The following HS6ST3 variants were observed in gnomAD, a reference collection of about 807,000 sequenced individuals.
HS6ST3 encodes heparan sulfate 6-O-sulfotransferase 3, also known as heparan-sulfate 6-O-sulfotransferase 3.
A neutral mutation model predicts 36.7 loss-of-function variants in HS6ST3; 12 were observed. The ratio of observed to expected loss-of-function variants is 0.33; its 90% CI spans 0.21 to 0.53. The LOEUF (loss-of-function observed/expected upper bound fraction) is 0.53, where lower values mean the gene tolerates loss of function less well. Among genes scored for constraint, HS6ST3 ranks in the 20% least tolerant of loss-of-function variants. The pLI, the probability that HS6ST3 is intolerant of heterozygous loss-of-function variation, is 0.95. For synonymous variants in HS6ST3, 240 were observed against 257.5 expected (o/e 0.93, Z 0.65); for missense variants, 584 against 640.9 (o/e 0.91, Z 0.96).
chr13:96,582,864 T>C (rs944561096), intron 1 of HS6ST3, among the ~76,000 whole-genome samples: 3 of 152,164 alleles, frequency 2.0e-5, no homozygotes, highest in Non-Finnish European at 4.4e-5. Context: ...GGAAGCCCAG[T>C]TAAATTTTGA....
chr13:96,736,503 C>T (rs61187918), intron 1 of HS6ST3, among the ~76,000 whole-genome samples: 18,334 of 152,002 alleles, frequency 0.12, 1,242 homozygotes, highest in African/African-American at 0.17. Flanking sequence ...AATATAGAGA[C>T]TTTAAGCTAT....
chr13:96,794,843 T>C (rs190832322), intron 1 of HS6ST3, among the ~76,000 whole-genome samples: 82 of 152,236 alleles, frequency 5.4e-4, no homozygotes, highest in African/African-American at 1.7e-3. Flanking sequence ...TAACCAGCTG[T>C]GTATTTCTGT....
chr13:96,290,709 A>G (rs535492495), intron 1 of HS6ST3, among the ~76,000 whole-genome samples: 1 of 152,286 alleles, frequency 6.6e-6, no homozygotes, highest in Admixed American at 6.5e-5. Context: ...AATGGAAGTC[A>G]CAGCACTTCA....
In HS6ST3 at chr13:96,838,909, C is replaced by G. The variant is rs897608503; in HGVS notation, c.*5711C>G. The stretch of plus-strand genomic sequence containing the variant: ...ACACAAAAGCCCTTGAACTTCTAGG[C>G]AAGGACTCATGCTAACCTAGCAGTA... On this transcript the variant is annotated 3_prime_UTR_variant, in exon 2 of 2. Transcript: ENST00000376705. 6.6e-6 allele frequency: 1 copy of G among 152,202 alleles called. No individual in the cohort carries two copies. Among genetic ancestry groups the G allele is most frequent in the Non-Finnish European group, 1.5e-5 (1 of 68,042 alleles). The allele number at this position is 152,202 out of a possible 1,614,324, so 9.4% of individuals were successfully genotyped here. A position where few individuals can be genotyped will look rare whatever the true frequency, so the allele number is the denominator to read the frequency against.
At chr13:96,218,672 T>C (rs2054439562) in intron 1 of HS6ST3, among the ~76,000 whole-genome samples, 1 of 151,904 alleles carries the variant, frequency 6.6e-6, no homozygotes, top group Admixed American at 6.6e-5. Flanking sequence ...TGTGAAGGTA[T>C]GTGCTGAAGG....
chr13:96,543,309 G>T (rs995216914), intron 1 of HS6ST3, among the ~76,000 whole-genome samples: 3 of 152,156 alleles, frequency 2.0e-5, no homozygotes, highest in African/African-American at 7.2e-5. Flanking sequence ...GGTGCAGGTT[G>T]TCTGCTCATC....
chr13:96,654,628 G>T (rs2139014950), intron 1 of HS6ST3, among the ~76,000 whole-genome samples: 1 of 152,254 alleles, frequency 6.6e-6, no homozygotes, highest in Admixed American at 6.5e-5. Flanking sequence ...AGTACAGTTT[G>T]AAGTCAGGTA....
At chr13:96,721,780 T>C (rs1357848253) in intron 1 of HS6ST3, among the ~76,000 whole-genome samples, 6 of 152,164 alleles carry the variant, frequency 3.9e-5, no homozygotes, top group Non-Finnish European at 8.8e-5. Context: ...TGTCTGGCAG[T>C]TCCTGGAGCC....
At chr13:96,735,689 T>C (rs564329964) in intron 1 of HS6ST3, among the ~76,000 whole-genome samples, 1 of 152,302 alleles carries the variant, frequency 6.6e-6, no homozygotes, top group African/African-American at 2.4e-5. Context: ...TTGTATCATA[T>C]ACTAAGCAAT....
chr13:96,105,767 G>A (rs1329064355), intron 1 of HS6ST3, among the ~76,000 whole-genome samples: 1 of 152,148 alleles, frequency 6.6e-6, no homozygotes, highest in African/African-American at 2.4e-5. Context: ...AGATTGATTG[G>A]TTCATTCATG....
intron 1 of HS6ST3, among the ~76,000 whole-genome samples, chr13:96,515,159 T>A (rs1370978517): frequency 1.3e-5 from 2 of 152,224 alleles, no homozygotes; most frequent in Non-Finnish European, 2.9e-5. Context: ...TAATATAACA[T>A]TAGTTTGCAA....
At chr13:96,796,265 A>G (rs887518375) in intron 1 of HS6ST3, among the ~76,000 whole-genome samples, 5 of 152,062 alleles carry the variant, frequency 3.3e-5, no homozygotes, top group African/African-American at 4.8e-5. Context: ...AAGCCTCATC[A>G]TATTTTCCTT....
intron 1 of HS6ST3, among the ~76,000 whole-genome samples, chr13:96,330,145 G>A (rs2055057508): frequency 7.3e-6 from 1 of 137,750 alleles, no homozygotes; most frequent in Non-Finnish European, 1.6e-5. Context: ...CAATTTGCCA[G>A]TCTGTGTCTT....
chr13:96,747,454 G>A (rs1203978817), intron 1 of HS6ST3, among the ~76,000 whole-genome samples: 1 of 152,016 alleles, frequency 6.6e-6, no homozygotes, highest in Non-Finnish European at 1.5e-5. Flanking sequence ...TTTCTTTTAT[G>A]TGCCATATGC....
At chr13:96,155,046 G>A (rs190008315) in intron 1 of HS6ST3, among the ~76,000 whole-genome samples, 46 of 152,100 alleles carry the variant, frequency 3.0e-4, no homozygotes, top group African/African-American at 1.1e-3. Flanking sequence ...CAGCACTATG[G>A]AAATGGTTAA....
At chr13:96,140,956 G>A (rs1029351988) in intron 1 of HS6ST3, among the ~76,000 whole-genome samples, 7 of 152,144 alleles carry the variant, frequency 4.6e-5, no homozygotes, top group African/African-American at 1.7e-4. Flanking sequence ...CAACATAACA[G>A]GAGAAGCAGC....
chr13:96,162,029 C>T (rs2054138019), intron 1 of HS6ST3, among the ~76,000 whole-genome samples: 1 of 152,078 alleles, frequency 6.6e-6, no homozygotes. Flanking sequence ...GAAGAACCTA[C>T]TTAAAGATCT....
chr13:96,107,734 T>C (rs991586103), intron 1 of HS6ST3, among the ~76,000 whole-genome samples: 2 of 152,182 alleles, frequency 1.3e-5, no homozygotes, highest in African/African-American at 4.8e-5. Context: ...TTCCCCAAAT[T>C]AATACATTTA....
chr13:96,615,841 T>G (rs1434367767), intron 1 of HS6ST3, among the ~76,000 whole-genome samples: 1 of 152,212 alleles, frequency 6.6e-6, no homozygotes, highest in Non-Finnish European at 1.5e-5. Context: ...CACTGGTACC[T>G]TTTGTTATAT....
Sources: allele counts gnomAD v4.1 joint callset (sites outside exome capture counted in the v4.1 genomes callset), GRCh38; gene constraint gnomAD v4.1.1; transcripts MANE v1.5; gene names NCBI Gene and HGNC (gene_info 2026-07-23, HGNC 2026-07-21).